Variants in ST7 observed in about 807,000 individuals in gnomAD.
ST7 encodes suppression of tumorigenicity 7, also known as suppressor of tumorigenicity 7 protein.
Under a neutral mutation model 78.7 loss-of-function variants are expected in ST7, and 28 were observed. The ratio of observed to expected loss-of-function variants is 0.36; its 90% CI spans 0.26 to 0.49. The LOEUF (loss-of-function observed/expected upper bound fraction) is 0.49, where lower values mean the gene tolerates loss of function less well. ST7 is among the 20% of genes least tolerant of loss of function. The pLI is 0.99. For missense variants in ST7, 418 were observed against 696.0 expected (o/e 0.60, Z 4.49); for synonymous variants, 247 against 249.6 (o/e 0.99, Z 0.10).
intron 3 of ST7, among the ~76,000 whole-genome samples, chr7:117,126,432 C>T (rs1424105801): frequency 1.3e-5 from 2 of 151,808 alleles, no homozygotes; most frequent in Non-Finnish European, 2.9e-5. Context: ...CTGTGGTTCT[C>T]TCAGAATATT....
chr7:117,148,563 G>A lies in ST7; in HGVS notation c.963+10031G>A, dbSNP rs752443653. On this transcript the variant is annotated intron_variant, in intron 9 of 15. Coordinates refer to ENST00000323984, the MANE Select transcript of ST7 (RefSeq NM_001369598.1). ...TGCTGTCTTTCATGTTTTCTATGTC[G>A]TACTTTCTCTCCCATTGAAAATATC... Among the ~76,000 whole-genome samples the A allele has an allele frequency of 7.9e-5, 12 of 151,868 alleles. No homozygotes were observed. The South Asian group carries it at 1.0e-3, about 13-fold the overall frequency.
intron 1 of ST7, among the ~76,000 whole-genome samples, chr7:117,010,437 G>A (rs914375666): frequency 1.3e-5 from 2 of 152,142 alleles, no homozygotes; most frequent in Admixed American, 6.5e-5. Flanking sequence ...GTAGACTTGG[G>A]GCTCAGTAAG....
intron 1 of ST7, among the ~76,000 whole-genome samples, chr7:117,064,688 T>C (rs1265713348): frequency 6.6e-6 from 1 of 152,256 alleles, no homozygotes; most frequent in Admixed American, 6.5e-5. Context: ...AAATGTATAC[T>C]GTTCTTCTTC....
intron 3 of ST7, among the ~76,000 whole-genome samples, chr7:117,124,859 C>G (rs964601310): frequency 3.3e-5 from 5 of 152,296 alleles, no homozygotes; most frequent in South Asian, 2.1e-4. Flanking sequence ...GCTGATTTCT[C>G]TACAAATACG....
At chr7:117,209,227 G>A (rs891577857) in intron 12 of ST7, among the ~76,000 whole-genome samples, 1 of 152,104 alleles carries the variant, frequency 6.6e-6, no homozygotes, top group Non-Finnish European at 1.5e-5. Context: ...GTCACAGTTT[G>A]GGGTCTATAA....
chr7:116,978,506 A>G (rs1379575315), intron 1 of ST7, among the ~76,000 whole-genome samples: 1 of 152,214 alleles, frequency 6.6e-6, no homozygotes, highest in Non-Finnish European at 1.5e-5. Context: ...GGAGATTATT[A>G]TGACTGACAA....
At chr7:117,044,775 T>G (rs1448411940) in intron 1 of ST7, among the ~76,000 whole-genome samples, 1 of 152,220 alleles carries the variant, frequency 6.6e-6, no homozygotes, top group African/African-American at 2.4e-5. Context: ...CTCACCTCTC[T>G]AAACACTGTG....
intron 2 of ST7, among the ~76,000 whole-genome samples, chr7:117,115,229 T>G (rs1017344392): frequency 2.0e-4 from 30 of 152,180 alleles, no homozygotes; most frequent in African/African-American, 7.2e-4. Context: ...TATCCAGTTA[T>G]TGCCTTCTAA....
At chr7:117,089,534 A>G (rs1414994919) in intron 1 of ST7, among the ~76,000 whole-genome samples, 2 of 151,942 alleles carry the variant, frequency 1.3e-5, no homozygotes, top group African/African-American at 2.4e-5. Flanking sequence ...TTTGGAGGCA[A>G]TAACCTAGAG....
chr7:117,092,122 G>A (rs939480538), intron 1 of ST7, among the ~76,000 whole-genome samples: 1 of 151,850 alleles, frequency 6.6e-6, no homozygotes, highest in African/African-American at 2.4e-5. Flanking sequence ...TCAAGGGAAA[G>A]GGGTCACATA....
chr7:117,027,852 C>T (rs1230618336), intron 1 of ST7, among the ~76,000 whole-genome samples: 3 of 152,100 alleles, frequency 2.0e-5, no homozygotes, highest in African/African-American at 7.2e-5. Context: ...ACAATAAATC[C>T]CCAGAGTGTA....
rs77765144 is a variant in ST7, at chr7:116,982,730, C to T, written c.151+29039C>T. On this transcript the variant is annotated intron_variant, in intron 1 of 15. Transcript: ENST00000323984. ...TCCATTCTTGGAATCAGCAGTTTCT[C>T]TGAGGATCCCTTTTTCATTTTAGTG... Among the ~76,000 whole-genome samples, 751 of 152,238 alleles carry T rather than the reference C, an allele frequency of 4.9e-3. 5 individuals carry two copies. The highest frequency in any genetic ancestry group is 0.016 in the African/African-American group (662 of 41,534).
intron 1 of ST7, among the ~76,000 whole-genome samples, chr7:117,017,417 A>AT (rs561674567): frequency 3.9e-4 from 60 of 152,282 alleles, no homozygotes; most frequent in African/African-American, 1.3e-3. Flanking sequence ...TTTCGCTATA[A>AT]TTGTTCTTTG....
chr7:117,009,645 C>G (rs1280774192), intron 1 of ST7, among the ~76,000 whole-genome samples: 1 of 152,052 alleles, frequency 6.6e-6, no homozygotes, highest in Non-Finnish European at 1.5e-5. Context: ...AGTAATGTTT[C>G]TCATGACTGC....
At chr7:117,022,747 T>C (rs1389652921) in intron 1 of ST7, among the ~76,000 whole-genome samples, 1 of 152,238 alleles carries the variant, frequency 6.6e-6, no homozygotes, top group Non-Finnish European at 1.5e-5. Flanking sequence ...TTCTAACTTA[T>C]TCTGATTTCG....
intron 1 of ST7, among the ~76,000 whole-genome samples, chr7:117,054,821 T>C (rs1797980905): frequency 6.6e-6 from 1 of 152,210 alleles, no homozygotes; most frequent in Non-Finnish European, 1.5e-5. Flanking sequence ...GCAAATACAT[T>C]TGGATTTCAG....
At chr7:117,093,326 A>G (rs536935729) in intron 1 of ST7, among the ~76,000 whole-genome samples, 3 of 152,332 alleles carry the variant, frequency 2.0e-5, no homozygotes, top group South Asian at 2.1e-4. Context: ...AGTTAATGCT[A>G]ATATGACAGC....
chr7:116,974,796 A>G (rs1023365553), intron 1 of ST7, among the ~76,000 whole-genome samples: 1 of 152,180 alleles, frequency 6.6e-6, no homozygotes, highest in Non-Finnish European at 1.5e-5. Context: ...TGCATTTTTA[A>G]TATAATTATA....
chr7:117,027,463 A>AAAAGTAAAGT (rs71148357), intron 1 of ST7, among the ~76,000 whole-genome samples: 7,470 of 140,734 alleles, frequency 0.053, 256 homozygotes, highest in East Asian at 0.078. Flanking sequence ...AAAGTAAAGT[A>AAAAGTAAAGT]AAAGTAAAGT....
Sources: allele counts gnomAD v4.1 joint callset (sites outside exome capture counted in the v4.1 genomes callset), GRCh38; gene constraint gnomAD v4.1.1; transcripts MANE v1.5; gene names NCBI Gene and HGNC (gene_info 2026-07-23, HGNC 2026-07-21).